PLXDC2: variants seen among roughly 807,000 people sequenced by gnomAD.
PLXDC2 encodes plexin domain-containing protein 2.
PLXDC2 carries 40 observed loss-of-function variants against 68.9 expected under a neutral mutation model. The ratio of observed to expected loss-of-function variants is 0.58; its 90% CI spans 0.45 to 0.76. PLXDC2 has a LOEUF of 0.76. PLXDC2 is among the 30% of genes least tolerant of loss of function. The probability of loss-of-function intolerance (pLI) is 0.00; values close to 1 mark genes in which losing one functional copy is unlikely to be tolerated. For missense variants in PLXDC2, 644 were observed against 661.9 expected (o/e 0.97, Z 0.30); for synonymous variants, 243 against 234.2 (o/e 1.04, Z -0.34).
Position 20,262,163 on chromosome 10 carries a change from G to A in PLXDC2, c.1473+16658G>A, listed in dbSNP as rs533648467. Among the ~76,000 whole-genome samples the A allele has an allele frequency of 3.3e-5, 5 of 152,222 alleles. No individual in the cohort carries two copies. In the South Asian group the frequency reaches 1.0e-3, roughly 32 times the overall value. ...GCCAGGGGATCCTCCCCAACCCAGG[G>A]AAAGCACGCTTCTCCCACAGATATT... On this transcript the variant is annotated intron_variant, in intron 13 of 13. Transcript: ENST00000377252.
chr10:20,210,121 C>T (rs1469669311), intron 9 of PLXDC2, among the ~76,000 whole-genome samples: 1 of 152,088 alleles, frequency 6.6e-6, no homozygotes, highest in Non-Finnish European at 1.5e-5. Context: ...CCCCCTTCTC[C>T]AAGACCTTTA....
chr10:20,075,557 A>G (rs1253182987), intron 4 of PLXDC2, among the ~76,000 whole-genome samples: 1 of 152,276 alleles, frequency 6.6e-6, no homozygotes, highest in East Asian at 1.9e-4. Context: ...CTGTCCATAC[A>G]TGCTTTATTT....
intron 1 of PLXDC2, among the ~76,000 whole-genome samples, chr10:19,968,247 T>C (rs1278956675): frequency 6.6e-6 from 1 of 152,220 alleles, no homozygotes; most frequent in Non-Finnish European, 1.5e-5. Flanking sequence ...TGTTCAGGTT[T>C]ATGGTGGAAG....
chr10:20,287,574 T>G lies in PLXDC2; in HGVS notation c.*7755T>G, dbSNP rs1255814460. ...ATAGCAGGGAAATAAAAACTCAAAT[T>G]AGGCATCCTGCAGCAGGCTACTCTG... On this transcript the variant is annotated 3_prime_UTR_variant, in exon 14 of 14. Coordinates refer to ENST00000377252, the MANE Select transcript of PLXDC2 (RefSeq NM_032812.9). The G allele has an allele frequency of 3.3e-5, 5 of 152,188 alleles. No individual in the cohort carries two copies. Among genetic ancestry groups the G allele is most frequent in the African/African-American group, 1.2e-4 (5 of 41,542 alleles). The allele number at this position is 152,188 out of a possible 1,614,324, so 9.4% of individuals were successfully genotyped here. A position where few individuals can be genotyped will look rare whatever the true frequency, so the allele number is the denominator to read the frequency against.
chr10:19,890,761 A>C (rs1331019423), intron 1 of PLXDC2, among the ~76,000 whole-genome samples: 1 of 144,056 alleles, frequency 6.9e-6, no homozygotes, highest in African/African-American at 2.6e-5. Flanking sequence ...ACATAGAATA[A>C]TTATTTAATT....
intron 1 of PLXDC2, among the ~76,000 whole-genome samples, chr10:19,902,403 A>G (rs1273848861): frequency 6.6e-6 from 1 of 152,134 alleles, no homozygotes; most frequent in Non-Finnish European, 1.5e-5. Context: ...GGTAAGGTAC[A>G]TTCCTAAGTA....
chr10:20,124,045 G>T lies in PLXDC2; in HGVS notation c.542-19250G>T, dbSNP rs538011025. Among the ~76,000 whole-genome samples, 8 of 152,170 alleles carry T rather than the reference G, an allele frequency of 5.3e-5. No individual in the cohort carries two copies. In the East Asian group the frequency reaches 1.6e-3, roughly 30 times the overall value. On this transcript the variant is annotated intron_variant, in intron 4 of 13. Coordinates refer to ENST00000377252, the MANE Select transcript of PLXDC2 (RefSeq NM_032812.9). Reference sequence around the variant, plus strand: ...CAGAGAAGGTGTAGAGACACGGAGAGAAGGGGTTGGGGTACTTGCCCCTCC... The same window carrying T: ...CAGAGAAGGTGTAGAGACACGGAGATAAGGGGTTGGGGTACTTGCCCCTCC...
chr10:19,885,900 G>A (rs1199764818), intron 1 of PLXDC2, among the ~76,000 whole-genome samples: 1 of 151,950 alleles, frequency 6.6e-6, no homozygotes, highest in African/African-American at 2.4e-5. Flanking sequence ...GAAAGTCATT[G>A]GTAGCTTGAT....
chr10:20,268,658 T>C (rs1162001382), intron 13 of PLXDC2, among the ~76,000 whole-genome samples: 2 of 152,210 alleles, frequency 1.3e-5, no homozygotes, highest in African/African-American at 4.8e-5. Context: ...TTGCCAGATT[T>C]CTTGAGCTTC....
At chr10:20,020,178 A>ATTT (rs71388889) in intron 2 of PLXDC2, among the ~76,000 whole-genome samples, 14 of 107,326 alleles carry the variant, frequency 1.3e-4, no homozygotes, top group East Asian at 3.1e-4. Flanking sequence ...CACCCAGCAA[A>ATTT]TTTTTTTTTT....
intron 1 of PLXDC2, among the ~76,000 whole-genome samples, chr10:19,979,304 GT>G (rs1487551108): frequency 2.0e-5 from 3 of 151,740 alleles, no homozygotes; most frequent in African/African-American, 7.3e-5. Flanking sequence ...TCAATAAATA[GT>G]TTCAAAATAA....
intron 2 of PLXDC2, among the ~76,000 whole-genome samples, chr10:20,024,263 T>C (rs900635359): frequency 2.0e-5 from 3 of 152,210 alleles, no homozygotes; most frequent in Non-Finnish European, 2.9e-5. Flanking sequence ...CAAATATGTG[T>C]TGAATTTGAT....
rs867127857 is a variant in PLXDC2, at chr10:19,987,165, A to G, written c.113-14610A>G. On this transcript the variant is annotated intron_variant, in intron 1 of 13. Transcript: ENST00000377252. ...TTAATCCCATTTGGCTGGAGAGCCTAGAGAGATGACCCCTGACCCAGGCTA... is the reference window on the plus strand; with the variant it reads ...TTAATCCCATTTGGCTGGAGAGCCTGGAGAGATGACCCCTGACCCAGGCTA... 2.3e-4 allele frequency among the ~76,000 whole-genome samples: 35 copies of G among 152,312 alleles called. 1 individual carries two copies. Among genetic ancestry groups the G allele is most frequent in the African/African-American group, 7.2e-4 (30 of 41,572 alleles).
At chr10:19,987,657 G>C (rs1834666420) in intron 1 of PLXDC2, among the ~76,000 whole-genome samples, 1 of 151,798 alleles carries the variant, frequency 6.6e-6, no homozygotes, top group Non-Finnish European at 1.5e-5. Flanking sequence ...AGCCTCCAGG[G>C]TTCACGCCAT....
At chr10:19,989,924 A>G (rs1381995728) in intron 1 of PLXDC2, among the ~76,000 whole-genome samples, 1 of 151,822 alleles carries the variant, frequency 6.6e-6, no homozygotes, top group Non-Finnish European at 1.5e-5. Context: ...TAATTTTTGT[A>G]TCTTTAGTAG....
intron 4 of PLXDC2, among the ~76,000 whole-genome samples, chr10:20,093,618 G>A (rs556101250): frequency 6.6e-6 from 1 of 152,228 alleles, no homozygotes; most frequent in South Asian, 2.1e-4. Context: ...TTATACGTAA[G>A]TTACCACAAA....
intron 5 of PLXDC2, among the ~76,000 whole-genome samples, chr10:20,147,142 A>C (rs1834091392): frequency 6.6e-6 from 1 of 152,178 alleles, no homozygotes; most frequent in African/African-American, 2.4e-5. Flanking sequence ...AGAGTGATTC[A>C]GAATATAATA....
intron 1 of PLXDC2, among the ~76,000 whole-genome samples, chr10:19,891,106 T>G (rs1837952149): frequency 1.3e-5 from 2 of 152,168 alleles, no homozygotes; most frequent in Admixed American, 1.3e-4. Flanking sequence ...TTTTATGTCT[T>G]TCTCTGTCCA....
At chr10:20,265,112 A>T (rs1402870431) in intron 13 of PLXDC2, among the ~76,000 whole-genome samples, 18 of 152,224 alleles carry the variant, frequency 1.2e-4, no homozygotes, top group Non-Finnish European at 1.0e-4. Context: ...ATGTGAAAGG[A>T]TGGAAAATGT....
Sources: gnomAD v4.1 joint callset for allele counts (sites outside exome capture counted in the v4.1 genomes callset) on GRCh38, gnomAD v4.1.1 for gene constraint, MANE v1.5 for transcripts, NCBI Gene and HGNC (gene_info 2026-07-23, HGNC 2026-07-21) for gene names.